ARSF: variants seen among roughly 807,000 people sequenced by gnomAD.
ARSF encodes arylsulfatase F.
A neutral mutation model predicts 35.4 loss-of-function variants in ARSF; 33 were observed. That is an observed-to-expected ratio of 0.93 (90% CI 0.71 to 1.25). ARSF has a LOEUF of 1.25. Among genes scored for constraint, ARSF ranks in the 50% most tolerant of loss-of-function variants. The pLI is 0.00. For synonymous variants in ARSF, 222 were observed against 193.1 expected (o/e 1.15, Z -1.24); for missense variants, 501 against 480.2 (o/e 1.04, Z -0.40).
chrX:3,089,194 C>G (rs1172100058), intron 6 of ARSF, among the ~76,000 whole-genome samples: 1 of 112,120 alleles, frequency 8.9e-6, no homozygotes, highest in Non-Finnish European at 1.9e-5. Context: ...ACCTCAGGAT[C>G]AAAGCTGAGT....
intron 9 of ARSF, among the ~76,000 whole-genome samples, chrX:3,105,845 C>G (rs1332296962): frequency 8.0e-5 from 9 of 112,274 alleles, no homozygotes; most frequent in African/African-American, 2.9e-4. Context: ...CCCAGCTTTC[C>G]TGTTCTACCA....
chrX:3,088,227 C>T (rs2090262336), intron 6 of ARSF, among the ~76,000 whole-genome samples: 1 of 111,816 alleles, frequency 8.9e-6, no homozygotes, highest in African/African-American at 3.2e-5. Context: ...CTTGATCTGG[C>T]TAAGAAATGA....
intron 6 of ARSF, among the ~76,000 whole-genome samples, chrX:3,085,471 G>C (rs1051650832): frequency 1.8e-5 from 2 of 108,760 alleles, no homozygotes; most frequent in African/African-American, 3.3e-5. Context: ...AAATCAGAAG[G>C]CTTCTCTTTG....
Position 3,112,609 on chromosome X carries a change from A to ACAAT in ARSF, c.*56_*59dup, listed in dbSNP as rs758280933. On this transcript the variant is annotated 3_prime_UTR_variant, in exon 11 of 11. Coordinates refer to ENST00000381127, the MANE Select transcript of ARSF (RefSeq NM_001201539.2). ...TTGGTCCTAACGAGAAGAGATAATT[A>ACAAT]CAATCAGGCTACCAAAGGAAGCACT... The ACAAT allele has an allele frequency of 1.8e-6, 2 of 1,134,604 alleles. No individual in the cohort carries two copies. Among genetic ancestry groups the ACAAT allele is most frequent in the African/African-American group, 1.9e-5 (1 of 53,528 alleles). 93.5% of individuals were successfully genotyped at this position (1,134,604 alleles called of 1,213,427 possible).
At chrX:3,093,714 T>C (rs374313577) in intron 7 of ARSF, among the ~76,000 whole-genome samples, 2 of 111,931 alleles carry the variant, frequency 1.8e-5, no homozygotes, top group Admixed American at 9.5e-5. Context: ...TGCCTGTGTC[T>C]ATTTGGTAGA....
At chrX:3,086,050 A>T (rs761604770) in intron 6 of ARSF, among the ~76,000 whole-genome samples, 1 of 111,314 alleles carries the variant, frequency 9.0e-6, no homozygotes, top group Admixed American at 9.6e-5. Context: ...GGGAGTAATA[A>T]AGCCATACTT....
chrX:3,080,498 G>A (rs1360669960), intron 4 of ARSF, among the ~76,000 whole-genome samples: 1 of 109,919 alleles, frequency 9.1e-6, no homozygotes, highest in Non-Finnish European at 1.9e-5. Flanking sequence ...TCTTTTCTTA[G>A]TCTGTTTGGG....
chrX:3,050,222 C>A (rs1194940507), intron 1 of ARSF, among the ~76,000 whole-genome samples: 1 of 111,686 alleles, frequency 9.0e-6, no homozygotes, highest in African/African-American at 3.2e-5. Context: ...TGCCAGTTTT[C>A]TTCATTTGCC....
chrX:3,107,198 A>G (rs1182223081), intron 9 of ARSF, among the ~76,000 whole-genome samples: 1 of 111,835 alleles, frequency 8.9e-6, no homozygotes, highest in Non-Finnish European at 1.9e-5. Context: ...ACTTCTAAAT[A>G]AAACATAGGA....
chrX:3,068,264 C>T (rs1375427728), intron 2 of ARSF, among the ~76,000 whole-genome samples, 153 bp downstream of exon 2: 2 of 111,259 alleles, frequency 1.8e-5, no homozygotes, highest in African/African-American at 3.3e-5. Context: ...TATGAGTCAA[C>T]ATGCTGTCTT....
At chrX:3,067,173 T>C (rs181140816) in intron 1 of ARSF, among the ~76,000 whole-genome samples, 238 of 108,001 alleles carry the variant, frequency 2.2e-3, no homozygotes, top group Non-Finnish European at 3.7e-3. Context: ...TGTGTGTCTG[T>C]GTAGTGTGTA....
At chrX:3,109,708 G>A (rs1023956569) in intron 9 of ARSF, among the ~76,000 whole-genome samples, 10 of 111,622 alleles carry the variant, frequency 9.0e-5, no homozygotes, top group African/African-American at 2.3e-4. Context: ...CTGTTTGTGC[G>A]TTCATTTACT....
intron 2 of ARSF, among the ~76,000 whole-genome samples, chrX:3,070,363 C>A (rs1429512467): frequency 9.0e-6 from 1 of 110,689 alleles, no homozygotes; most frequent in Non-Finnish European, 1.9e-5. Flanking sequence ...TCACACACAC[C>A]CACATGCCCT....
intron 1 of ARSF, among the ~76,000 whole-genome samples, chrX:3,057,368 C>T (rs1425280594): frequency 2.7e-5 from 3 of 111,737 alleles, no homozygotes; most frequent in Non-Finnish European, 5.6e-5. Flanking sequence ...AAGCTCTCTT[C>T]AGCTCCTGGA....
intron 9 of ARSF, among the ~76,000 whole-genome samples, chrX:3,109,033 A>T (rs1300943172): frequency 9.1e-6 from 1 of 109,406 alleles, no homozygotes; most frequent in African/African-American, 3.4e-5. Context: ...AGAAAAAAAA[A>T]TCCTGGCTGG....
chrX:3,047,600 T>C (rs1322919261), intron 1 of ARSF, among the ~76,000 whole-genome samples: 2 of 110,678 alleles, frequency 1.8e-5, no homozygotes, highest in African/African-American at 6.6e-5. Flanking sequence ...GCACAGGAAG[T>C]TTTTCCTGAG....
chrX:3,077,961 G>T (rs890282059), intron 4 of ARSF, among the ~76,000 whole-genome samples: 16 of 105,834 alleles, frequency 1.5e-4, no homozygotes, highest in African/African-American at 5.2e-4. Flanking sequence ...GTGCCACCAG[G>T]CCTGTCTAAT....
rs775422172 is a variant in ARSF, at chrX:3,089,656, C to T, written c.967+24C>T. 5.0e-6 allele frequency: 6 copies of T among 1,207,204 alleles called. No individual in the cohort carries two copies. The Admixed American group carries it at 8.7e-5, about 18-fold the overall frequency. Reference sequence around the variant, plus strand: ...GGGTAAGTCACAGGACTTAAGTGGACAGAAACTAACGTGTTCTGATAGGAC... The same window carrying T: ...GGGTAAGTCACAGGACTTAAGTGGATAGAAACTAACGTGTTCTGATAGGAC... On this transcript the variant is annotated intron_variant, in intron 7 of 10. Transcript: ENST00000381127.
In ARSF at chrX:3,048,700, C is replaced by T. The variant is rs372796390; in HGVS notation, c.-29+7037C>T. On this transcript the variant is annotated intron_variant, in intron 1 of 10. Transcript: ENST00000381127. ...CCTTGGGCACATGTCGTCAGGACTT[C>T]CTGAGGCTGTGTCACAGGTGCACGT... Among the ~76,000 whole-genome samples, 7 of 112,237 alleles carry T rather than the reference C, an allele frequency of 6.2e-5. No individual in the cohort carries two copies. The East Asian group carries it at 1.4e-3, about 22-fold the overall frequency.
Sources: allele counts gnomAD v4.1 joint callset (sites outside exome capture counted in the v4.1 genomes callset), GRCh38; gene constraint gnomAD v4.1.1; transcripts MANE v1.5; gene names NCBI Gene and HGNC (gene_info 2026-07-23, HGNC 2026-07-21).